Variants in TMEM178A observed in about 807,000 individuals in gnomAD.
The protein encoded by TMEM178A is transmembrane protein 178.
TMEM178A carries 12 observed loss-of-function variants against 29.1 expected under a neutral mutation model. The ratio of observed to expected loss-of-function variants is 0.41; its 90% CI spans 0.26 to 0.67. The LOEUF (loss-of-function observed/expected upper bound fraction) is 0.67, where lower values mean the gene tolerates loss of function less well. Among genes scored for constraint, TMEM178A ranks in the 30% least tolerant of loss-of-function variants. TMEM178A has a pLI of 0.29. For missense variants in TMEM178A, 366 were observed against 419.1 expected, an observed-to-expected ratio of 0.87 and a Z score of 1.11; for synonymous variants, 210 against 187.2, an observed-to-expected ratio of 1.12 and a Z score of -0.99.
intron 1 of TMEM178A, among the ~76,000 whole-genome samples, chr2:39,676,701 C>T (rs1026469167): frequency 7.9e-5 from 12 of 152,260 alleles, no homozygotes; most frequent in South Asian, 2.1e-4. Flanking sequence ...TGGTCAGCCA[C>T]GGAAGAGGGG....
At chr2:39,706,631 T>C (rs1487794269) in intron 2 of TMEM178A, among the ~76,000 whole-genome samples, 1 of 151,990 alleles carries the variant, frequency 6.6e-6, no homozygotes, top group East Asian at 1.9e-4. Context: ...TTTCTTTTTT[T>C]TCCCCTTTTA....
intron 1 of TMEM178A, among the ~76,000 whole-genome samples, chr2:39,677,440 T>C (rs1346059099): frequency 6.6e-6 from 1 of 152,210 alleles, no homozygotes; most frequent in Non-Finnish European, 1.5e-5. Context: ...AAATCACTCC[T>C]TGCTATTGCC....
intron 2 of TMEM178A, among the ~76,000 whole-genome samples, chr2:39,704,749 A>G (rs1405639646): frequency 6.6e-6 from 1 of 152,202 alleles, no homozygotes; most frequent in African/African-American, 2.4e-5. Flanking sequence ...GAGGGCTGAT[A>G]TTTACCTAAA....
At chr2:39,678,147 TC>T (rs1365801644) in intron 1 of TMEM178A, among the ~76,000 whole-genome samples, 4 of 152,206 alleles carry the variant, frequency 2.6e-5, no homozygotes, top group Non-Finnish European at 5.9e-5. Flanking sequence ...GTTATGTCTT[TC>T]CTTTAAGTAA....
intron 3 of TMEM178A, among the ~76,000 whole-genome samples, chr2:39,708,621 G>T (rs1385367735): frequency 1.3e-5 from 2 of 151,368 alleles, no homozygotes; most frequent in African/African-American, 4.9e-5. Flanking sequence ...GTTTCACCGT[G>T]TTAGCCAGGA....
chr2:39,724,785 G>A, the TMEM178A span, among the ~76,000 whole-genome samples: 2 of 152,208 alleles, frequency 1.3e-5, no homozygotes, highest in Admixed American at 1.3e-4. Context: ...CTCTCAGCCA[G>A]TCTCTGGCAG....
Position 39,665,999 on chromosome 2 carries a change from G to A in TMEM178A, c.25G>A (p.Ala9Thr). MEPRALVTALSLGLSLCSL... is the reference protein window; with the variant it reads MEPRALVTTLSLGLSLCSL... Reference sequence around the variant, plus strand: ...CATGGAGCCGCGGGCGCTCGTCACGGCGCTCAGCCTCGGCCTCAGCCTGTG... The same window carrying A: ...CATGGAGCCGCGGGCGCTCGTCACGACGCTCAGCCTCGGCCTCAGCCTGTG... Residue 9 changes from alanine to threonine, a missense_variant, in exon 1 of 4, where the codon GCG (alanine) becomes ACG (threonine). Coordinates refer to ENST00000281961, the MANE Select transcript of TMEM178A (RefSeq NM_152390.3). 6.9e-7 allele frequency: 1 copy of A among 1,455,716 alleles called. No individual in the cohort carries two copies. Among genetic ancestry groups the A allele is most frequent in the South Asian group, 1.5e-5 (1 of 67,412 alleles). 90.2% of individuals were successfully genotyped at this position (1,455,716 alleles called of 1,614,324 possible).
Position 39,717,215 on chromosome 2 carries a change from T to G in TMEM178A, c.858T>G (p.Ile286Met). The G allele has an allele frequency of 6.2e-7, 1 of 1,613,758 alleles. No individual in the cohort carries two copies. The highest frequency in any genetic ancestry group is 8.5e-7 in the Non-Finnish European group (1 of 1,179,996). The change falls in exon 4 of 4, where the codon ATT becomes ATG. Residue 286 changes from isoleucine to methionine, a missense_variant. Transcript: ENST00000281961. ...IAYPFISRTK[I>M]AQLKSGRDST... ...ATCCGTTTATTAGCCGGACCAAGAT[T>G]GCACAGCTAAAGTCTGGCAGAGACT... is the stretch of plus-strand genomic sequence containing the variant.
rs1432363149 is a variant in TMEM178A at position 39,717,536 on chromosome 2, T to C, written c.*285T>C. On this transcript the variant is annotated 3_prime_UTR_variant, in exon 4 of 4. Coordinates refer to ENST00000281961, the MANE Select transcript of TMEM178A (RefSeq NM_152390.3). ...AAAGAAGAAACTGCAATGGAAAAAT[T>C]TGTATGATTTCCATTTATTTCAGAA... is the stretch of plus-strand genomic sequence containing the variant. The C allele has an allele frequency of 6.9e-6, 2 of 290,692 alleles. No individual in the cohort carries two copies. The highest frequency in any genetic ancestry group is 2.2e-5 in the African/African-American group (1 of 46,222). 18.0% of individuals were successfully genotyped at this position (290,692 alleles called of 1,614,324 possible).
At chr2:39,691,858 C>T (rs1671330863) in intron 1 of TMEM178A, among the ~76,000 whole-genome samples, 1 of 151,122 alleles carries the variant, frequency 6.6e-6, no homozygotes, top group Admixed American at 6.6e-5. Context: ...GTAGATGGAC[C>T]TTTAGGTTGC....
chr2:39,716,955 T>C, intron 3 of TMEM178A, 55 bp from the exon 4 acceptor site: 1 of 1,567,828 alleles, frequency 6.4e-7, no homozygotes, highest in Non-Finnish European at 8.7e-7. Flanking sequence ...CTGGCATTTG[T>C]CTTGTAACAG....
intron 3 of TMEM178A, among the ~76,000 whole-genome samples, chr2:39,714,425 C>A (rs1672445841): frequency 6.6e-6 from 1 of 152,012 alleles, no homozygotes; most frequent in Admixed American, 6.6e-5. Flanking sequence ...GACAAAGGGA[C>A]AATCAGGTTT....
chr2:39,674,708 T>C (rs1246089288), intron 1 of TMEM178A, among the ~76,000 whole-genome samples: 1 of 152,198 alleles, frequency 6.6e-6, no homozygotes, highest in Non-Finnish European at 1.5e-5. Flanking sequence ...TTTCTTCAGG[T>C]GTTTGAAACA....
intron 1 of TMEM178A, among the ~76,000 whole-genome samples, chr2:39,692,445 A>G (rs909370996): frequency 6.6e-6 from 1 of 152,242 alleles, no homozygotes; most frequent in Non-Finnish European, 1.5e-5. Context: ...CCTTCAATAT[A>G]TACAATAAAA....
chr2:39,669,413 G>T (rs1158155133), intron 1 of TMEM178A, among the ~76,000 whole-genome samples: 3 of 152,226 alleles, frequency 2.0e-5, no homozygotes, highest in Non-Finnish European at 2.9e-5. Flanking sequence ...GGCAATAAGA[G>T]ATTAATTTAG....
downstream of TMEM178A, among the ~76,000 whole-genome samples, chr2:39,718,800 T>C (rs998284371): frequency 5.3e-5 from 8 of 152,206 alleles, no homozygotes; most frequent in African/African-American, 1.9e-4. Flanking sequence ...TCTAAGCTTT[T>C]CCTTTTAACT....
the TMEM178A span, among the ~76,000 whole-genome samples, chr2:39,735,844 A>C: frequency 6.6e-6 from 1 of 152,254 alleles, no homozygotes; most frequent in Non-Finnish European, 1.5e-5. Flanking sequence ...GCCACTGGGC[A>C]CAAATGCCAT....
the TMEM178A span, among the ~76,000 whole-genome samples, chr2:39,727,495 C>T: frequency 1.3e-5 from 2 of 152,202 alleles, no homozygotes; most frequent in Admixed American, 1.3e-4. Flanking sequence ...TCTGAACCGA[C>T]ACATTTACTT....
At chr2:39,713,915 A>G (rs1017557103) in intron 3 of TMEM178A, among the ~76,000 whole-genome samples, 1 of 152,170 alleles carries the variant, frequency 6.6e-6, no homozygotes, top group Non-Finnish European at 1.5e-5. Context: ...GTTTTTTAAA[A>G]TATCTTGAAT....
Sources: gnomAD v4.1 joint callset for allele counts (sites outside exome capture counted in the v4.1 genomes callset) on GRCh38, gnomAD v4.1.1 for gene constraint, MANE v1.5 for transcripts, NCBI Gene and HGNC (gene_info 2026-07-23, HGNC 2026-07-21) for gene names.